DNMT3B: variants seen among roughly 807,000 people sequenced by gnomAD.
DNMT3B encodes DNA methyltransferase 3 beta, also known as DNA (cytosine-5)-methyltransferase 3B.
DNMT3B carries 37 observed loss-of-function variants against 120.2 expected under a neutral mutation model. The observed-to-expected ratio is 0.31, with a 90% CI of 0.24 to 0.40. DNMT3B has a LOEUF of 0.40. Among genes scored for constraint, DNMT3B ranks in the 10% least tolerant of loss-of-function variants. DNMT3B has a pLI of 1.00. For missense variants in DNMT3B, 878 were observed against 1,137.3 expected, an observed-to-expected ratio of 0.77 and a Z score of 3.28; for synonymous variants, 412 against 442.8, an observed-to-expected ratio of 0.93 and a Z score of 0.87.
rs1280401459 is a variant in DNMT3B at position 32,783,294 on chromosome 20, TA to T, written c.205-1463del. ...TTAGGTGGGCTCAAGGAATTTTTTT[TA>T]CAAGCTGGAAGAAACTTGTCTAAGC... is the stretch of plus-strand genomic sequence containing the variant. On this transcript the variant is annotated intron_variant, in intron 3 of 22. Transcript: ENST00000328111. Among the ~76,000 whole-genome samples, 4 of 152,310 alleles carry T rather than the reference TA, an allele frequency of 2.6e-5. No homozygotes were observed. In the South Asian group the frequency reaches 6.2e-4, roughly 24 times the overall value.
rs936186612 is a variant in DNMT3B at position 32,801,292 on chromosome 20, C to T, written c.2011C>T (p.Leu671Phe). ...RKGLYEGTGRLFFEFYHLLNY... is the reference protein window; with the variant it reads ...RKGLYEGTGRFFFEFYHLLNY... The stretch of plus-strand genomic sequence containing the variant: ...TCTGAGCACAGAGGGTACAGGCCGG[C>T]TCTTCTTCGAATTTTACCACCTGCT... The change falls in exon 19 of 23, where the codon CTC becomes TTC. Residue 671 changes from leucine to phenylalanine, a missense_variant. Physicochemically the swap from Leu to Phe is conservative, Grantham distance 22 (BLOSUM62 0). Transcript: ENST00000328111. 8.7e-6 allele frequency: 14 copies of T among 1,614,020 alleles called. No homozygotes were observed. The highest frequency in any genetic ancestry group is 1.2e-5 in the Non-Finnish European group (14 of 1,180,052).
At chr20:32,796,891 CT>C (rs2146015505) in intron 13 of DNMT3B, 22 bp downstream of exon 13, 2 of 1,614,198 alleles carry the variant, frequency 1.2e-6, no homozygotes, top group East Asian at 4.5e-5. Context: ...TACTACTGCC[CT>C]GGACCTTCCT....
At position 32,805,369 on chromosome 20, in the gene DNMT3B, G is replaced by A. The variant is rs764716011; in HGVS notation, c.2263G>A (p.Glu755Lys). Residue 755 changes from glutamate to lysine, a missense_variant, in exon 21 of 23, where the codon GAG becomes AAG. Physicochemically the swap from Glu to Lys is moderately conservative, Grantham distance 56. Coordinates refer to ENST00000328111, the MANE Select transcript of DNMT3B (RefSeq NM_006892.4). ...PVIASKNDKL[E>K]LQDCLEYNRI... ...GATAGCATCAAAGAATGATAAACTC[G>A]AGCTGCAGGACTGCTTGGAATACAA... 6 of 1,613,938 alleles carry A rather than the reference G, an allele frequency of 3.7e-6. No homozygotes were observed. The highest frequency in any genetic ancestry group is 3.3e-5 in the Admixed American group (2 of 59,990).
Position 32,781,411 on chromosome 20 carries a change from A to G in DNMT3B, c.201A>G (p.Thr67=), listed in dbSNP as rs2145913103. 1.9e-6 allele frequency: 3 copies of G among 1,614,140 alleles called. No homozygotes were observed. Among genetic ancestry groups the G allele is most frequent in the Non-Finnish European group, 2.5e-6 (3 of 1,180,014 alleles). ...KREVSSLLSY[T]QDLTGDGDGE... ...AGGTGTCCAGTCTGCTAAGCTACAC[A>G]CAGGTATGGTCTCTGCTCTCCCTTT... Residue 67 remains threonine, a synonymous_variant, in exon 3 of 23, where the codon ACA becomes ACG. Coordinates refer to ENST00000328111, the MANE Select transcript of DNMT3B (RefSeq NM_006892.4).
intron 4 of DNMT3B, 100 bp from the exon 5 acceptor site, chr20:32,786,400 ACC>A: frequency 6.5e-7 from 1 of 1,538,380 alleles, no homozygotes; most frequent in Non-Finnish European, 8.9e-7. Context: ...GAAGCTGGCT[ACC>A]AGGTCTCCTT....
At position 32,780,052 on chromosome 20, in the gene DNMT3B, C is replaced by G. The variant is rs1391482524; in HGVS notation, c.-6-266C>G. ...ACAGAGCAGTCTGAGCCTGAGACCC[C>G]AGCCCTGGCCTCCCCACTCTGTCCT... is the stretch of plus-strand genomic sequence containing the variant. On this transcript the variant is annotated intron_variant, in intron 1 of 22. Coordinates refer to ENST00000328111, the MANE Select transcript of DNMT3B (RefSeq NM_006892.4). 90 of 1,595,156 alleles carry G rather than the reference C, an allele frequency of 5.6e-5. No individual in the cohort carries two copies. The East Asian group carries it at 1.8e-3, about 33-fold the overall frequency.
Position 32,780,475 on chromosome 20 carries a change from C to T in DNMT3B, c.142+10C>T. 6.8e-6 allele frequency: 11 copies of T among 1,611,242 alleles called. No individual in the cohort carries two copies. The highest frequency in any genetic ancestry group is 8.5e-6 in the Non-Finnish European group (10 of 1,179,920). The stretch of plus-strand genomic sequence containing the variant: ...ACCCCGGAGATCAGAGGTGGCTGGG[C>T]AGTGGGGACTGGGGTGGTGTCAGGC... On this transcript the variant is annotated intron_variant, in intron 2 of 22. Coordinates refer to ENST00000328111, the MANE Select transcript of DNMT3B (RefSeq NM_006892.4).
chr20:32,803,204 C>G (rs1302374190), intron 20 of DNMT3B, among the ~76,000 whole-genome samples: 1 of 152,226 alleles, frequency 6.6e-6, no homozygotes, highest in Non-Finnish European at 1.5e-5. Flanking sequence ...AGCAGCTTTG[C>G]TGAGGATTAA....
intron 2 of DNMT3B, 115 bp downstream of exon 2, chr20:32,780,580 GAGGGAAGAGAGCTCT>G (rs1165619121): frequency 9.6e-5 from 142 of 1,479,934 alleles, no homozygotes; most frequent in Non-Finnish European, 1.2e-4. Flanking sequence ...AATTCCCCGG[GAGGGAAGAGAGCTCT>G]AGCAAGGAGG....
chr20:32,783,027 G>A (rs1032672038), intron 3 of DNMT3B, among the ~76,000 whole-genome samples: 5 of 152,096 alleles, frequency 3.3e-5, no homozygotes, highest in African/African-American at 1.2e-4. Context: ...AGGCCCAAGC[G>A]ATTCCCCTGC....
intron 1 of DNMT3B, among the ~76,000 whole-genome samples, chr20:32,773,337 G>A (rs1346752050): frequency 6.6e-6 from 1 of 152,156 alleles, no homozygotes; most frequent in Non-Finnish European, 1.5e-5. Context: ...AGCTTCTACT[G>A]TAGGATGACA....
At chr20:32,807,601 G>A (rs936021689) in intron 22 of DNMT3B, among the ~76,000 whole-genome samples, 161 bp from the exon 23 acceptor site, 14 of 152,314 alleles carry the variant, frequency 9.2e-5, no homozygotes, top group South Asian at 2.1e-4. Flanking sequence ...CAATTTGTAA[G>A]CAAGTGTTCT....
chr20:32,786,560 G>A lies in DNMT3B; in HGVS notation c.365G>A (p.Arg122His), dbSNP rs757657111. 45 of 1,613,830 alleles carry A rather than the reference G, an allele frequency of 2.8e-5. No individual in the cohort carries two copies. In the African/African-American group the frequency reaches 4.8e-4, roughly 17 times the overall value. The change falls in exon 5 of 23, where the codon CGT (arginine) becomes CAT (histidine). Residue 122 changes from arginine to histidine, a missense_variant. By Grantham distance (29) the Arg-to-His change is conservative. This residue lies in a region of DNMT3B where 287 missense variants were observed against 306.2 expected (regional missense o/e 0.94). Transcript: ENST00000328111. ...SSRERHRPSP[R>H]STRGRQGRNH... ...CGGGAGAGGCACAGGCCTTCCCCAC[G>A]TTCCACCCGAGGCCGGCAGGGCCGC... is the stretch of plus-strand genomic sequence containing the variant.
At chr20:32,787,592 T>C (rs1979482281) in intron 6 of DNMT3B, 141 bp downstream of exon 6, 1 of 1,006,862 alleles carries the variant, frequency 9.9e-7, no homozygotes, top group African/African-American at 1.6e-5. Flanking sequence ...GTTTGAATTC[T>C]AAGTATCTTC....
chr20:32,800,481 T>C (rs537889257), intron 17 of DNMT3B, among the ~76,000 whole-genome samples, 183 bp downstream of exon 17: 3 of 152,156 alleles, frequency 2.0e-5, no homozygotes, highest in East Asian at 3.9e-4. Flanking sequence ...CAAGATTCTA[T>C]TTTTTTCTGG....
rs1569687 is a variant in DNMT3B, at chr20:32,780,582, G to A, written c.142+117G>A. ...CAACCTCCACCACAATTCCCCGGGA[G>A]GGAAGAGAGCTCTAGCAAGGAGGGA... On this transcript the variant is annotated intron_variant, in intron 2 of 22. Transcript: ENST00000328111. The A allele has an allele frequency of 0.016, 23,162 of 1,479,946 alleles. 2,315 individuals carry two copies. In the African/African-American group the frequency reaches 0.25, roughly 16 times the overall value. 91.7% of individuals were successfully genotyped at this position (1,479,946 alleles called of 1,614,324 possible).
rs562098022 is a variant in DNMT3B at position 32,780,246 on chromosome 20, A to C, written c.-6-72A>C. The C allele has an allele frequency of 2.3e-4, 379 of 1,613,270 alleles. 1 individual carries two copies. In the South Asian group the frequency reaches 4.0e-3, roughly 17 times the overall value. On this transcript the variant is annotated intron_variant, in intron 1 of 22. Coordinates refer to ENST00000328111, the MANE Select transcript of DNMT3B (RefSeq NM_006892.4). ...GCCTTGGCCTGAGAACACAGAGCCC[A>C]TGGCGGGGGAACACTGTCCCTCTCA...
chr20:32,797,299 G>C lies in DNMT3B; in HGVS notation c.1490G>C (p.Arg497Pro). The stretch of plus-strand genomic sequence containing the variant: ...CTTTGCAGCAACACGAGCTGCTGCC[G>C]GTGAGCACTGGGCCCTGTGGGGTGG... ...LLLCSNTSCC[R>P]CFCVECLEVL... Residue 497 changes from arginine (R) to proline (P), a missense_variant and splice_region_variant, in exon 14 of 23, where the codon CGG becomes CCG. Physicochemically the swap from Arg to Pro is moderately radical, Grantham distance 103. Coordinates refer to ENST00000328111, the MANE Select transcript of DNMT3B (RefSeq NM_006892.4). The C allele has an allele frequency of 6.2e-7, 1 of 1,613,968 alleles. No individual in the cohort carries two copies. Among genetic ancestry groups the C allele is most frequent in the South Asian group, 1.1e-5 (1 of 91,082 alleles).
At chr20:32,799,453 GAAA>G (rs1233291618) in intron 16 of DNMT3B, 125 bp downstream of exon 16, 1 of 1,066,374 alleles carries the variant, frequency 9.4e-7, no homozygotes, top group Non-Finnish European at 1.4e-6. Context: ...TACCAGCCCT[GAAA>G]AAAACCCTGT....
Sources: allele counts gnomAD v4.1 joint callset (sites outside exome capture counted in the v4.1 genomes callset), GRCh38; gene constraint gnomAD v4.1.1; regional missense constraint gnomAD v4.1.1; transcripts MANE v1.5; gene names NCBI Gene and HGNC (gene_info 2026-07-23, HGNC 2026-07-21).